The following SLC41A2 variants were observed in gnomAD, a reference collection of about 807,000 sequenced individuals.
SLC41A2 encodes the protein SLC41A1-like 1.
SLC41A2 carries 32 observed loss-of-function variants against 58.3 expected under a neutral mutation model. The ratio of observed to expected loss-of-function variants is 0.55; its 90% CI spans 0.41 to 0.74. The LOEUF is 0.74. SLC41A2 is among the 30% of genes least tolerant of loss of function. SLC41A2 has a pLI of 0.00. For synonymous variants in SLC41A2, 190 were observed against 235.0 expected, an observed-to-expected ratio of 0.81 and a Z score of 1.75; for missense variants, 514 against 680.6, an observed-to-expected ratio of 0.76 and a Z score of 2.72.
At chr12:104,846,025 G>A in intron 8 of SLC41A2, 51 bp from the exon 9 acceptor site, 2 of 1,573,734 alleles carry the variant, frequency 1.3e-6, no homozygotes, top group Non-Finnish European at 8.7e-7. Context: ...TAAACAATTT[G>A]CATAAATTCA....
intron 9 of SLC41A2, among the ~76,000 whole-genome samples, chr12:104,845,572 TA>T (rs1412037008): frequency 2.0e-5 from 3 of 152,122 alleles, no homozygotes; most frequent in Non-Finnish European, 4.4e-5. Flanking sequence ...ACCTGGCAAT[TA>T]TTTTTTTTGT....
chr12:104,951,587 G>GC (rs1018591341), intron 1 of SLC41A2: 1 of 152,056 alleles, frequency 6.6e-6, no homozygotes, highest in Non-Finnish European at 1.5e-5. Flanking sequence ...TTAATTCTGT[G>GC]AAGTCATAAT....
At chr12:104,847,386 G>C (rs1381794521) in intron 8 of SLC41A2, among the ~76,000 whole-genome samples, 2 of 151,796 alleles carry the variant, frequency 1.3e-5, no homozygotes, top group African/African-American at 4.8e-5. Flanking sequence ...GGTGGATCAC[G>C]AGGTTAGGAA....
chr12:104,862,288 T>C (rs955039917), intron 7 of SLC41A2, among the ~76,000 whole-genome samples: 1 of 152,208 alleles, frequency 6.6e-6, no homozygotes, highest in Non-Finnish European at 1.5e-5. Flanking sequence ...TATGCCTTAA[T>C]AGGCCTAAAC....
chr12:104,844,610 A>T lies in SLC41A2; in HGVS notation c.1398T>A (p.Asn466Lys). The change falls in exon 10 of 11, where the codon AAT (asparagine) becomes AAA (lysine). Residue 466 changes from asparagine (N) to lysine (K), a missense_variant. Physicochemically the swap from Asn to Lys is moderately conservative, Grantham distance 94. Coordinates refer to ENST00000258538, the MANE Select transcript of SLC41A2 (RefSeq NM_001352171.3). ...FRTFFGPGVN[N>K]KSAQVLLLLV... ...AAAGCAGTAGAACTTGAGCAGACTT[A>T]TTATTTACTCCTGTAATATAAAATG... 1 of 1,524,880 alleles carries T rather than the reference A, an allele frequency of 6.6e-7. No homozygotes were observed. Among genetic ancestry groups the T allele is most frequent in the Non-Finnish European group, 8.8e-7 (1 of 1,137,042 alleles). 94.5% of individuals were successfully genotyped at this position (1,524,880 alleles called of 1,614,324 possible).
chr12:104,835,300 T>C (rs2042171128), intron 10 of SLC41A2, among the ~76,000 whole-genome samples: 1 of 152,004 alleles, frequency 6.6e-6, no homozygotes, highest in Admixed American at 6.5e-5. Context: ...ATCTCTCAAG[T>C]TTGTTGGGAG....
At chr12:104,943,578 T>C (rs757100839) in intron 1 of SLC41A2, among the ~76,000 whole-genome samples, 4 of 152,184 alleles carry the variant, frequency 2.6e-5, no homozygotes, top group Admixed American at 2.6e-4. Flanking sequence ...TACTCCGATG[T>C]TAATGACATC....
chr12:104,938,879 C>A (rs77982505), intron 1 of SLC41A2, among the ~76,000 whole-genome samples: 4,695 of 152,290 alleles, frequency 0.031, 80 homozygotes, highest in Non-Finnish European at 0.048. Context: ...TTAAAGATTG[C>A]AGTCTATGGA....
intron 10 of SLC41A2, among the ~76,000 whole-genome samples, chr12:104,810,115 A>G (rs904221533): frequency 6.6e-6 from 1 of 152,152 alleles, no homozygotes; most frequent in Non-Finnish European, 1.5e-5. Context: ...TTATCATGTC[A>G]GCAGACGCTA....
At chr12:104,943,792 C>T (rs895761341) in intron 1 of SLC41A2, among the ~76,000 whole-genome samples, 2 of 152,176 alleles carry the variant, frequency 1.3e-5, no homozygotes, top group African/African-American at 2.4e-5. Flanking sequence ...TGACCGCATC[C>T]ACCTTTAAAC....
chr12:104,921,788 T>C (rs562535901), intron 2 of SLC41A2, among the ~76,000 whole-genome samples: 1 of 151,966 alleles, frequency 6.6e-6, no homozygotes, highest in African/African-American at 2.4e-5. Flanking sequence ...CACAAATCTA[T>C]CAAAAACAAT....
chr12:104,890,267 T>C (rs1239929090), intron 4 of SLC41A2, among the ~76,000 whole-genome samples: 4 of 152,158 alleles, frequency 2.6e-5, no homozygotes, highest in Admixed American at 6.5e-5. Context: ...AGCCCCATGA[T>C]CTTGTATTAA....
At chr12:104,910,214 A>G (rs1178617546) in intron 2 of SLC41A2, among the ~76,000 whole-genome samples, 1 of 152,214 alleles carries the variant, frequency 6.6e-6, no homozygotes, top group Non-Finnish European at 1.5e-5. Flanking sequence ...ATAAAGACTC[A>G]GAGAGATTAA....
chr12:104,942,187 A>G (rs532045800), intron 1 of SLC41A2, among the ~76,000 whole-genome samples: 10 of 152,240 alleles, frequency 6.6e-5, no homozygotes, highest in African/African-American at 2.2e-4. Context: ...CTCTCTTACA[A>G]TTGACATGTG....
chr12:104,876,770 G>A (rs7295456), intron 6 of SLC41A2, among the ~76,000 whole-genome samples: 14 of 152,204 alleles, frequency 9.2e-5, no homozygotes, highest in Admixed American at 1.3e-4. Context: ...TGGATGGAAT[G>A]TTTTGTACAT....
chr12:104,937,329 A>AACTCCATTC (rs1403851769), intron 1 of SLC41A2, among the ~76,000 whole-genome samples: 1 of 152,176 alleles, frequency 6.6e-6, no homozygotes, highest in Non-Finnish European at 1.5e-5. Flanking sequence ...ATTCATGGTA[A>AACTCCATTC]ATGCCCTATA....
intron 2 of SLC41A2, among the ~76,000 whole-genome samples, chr12:104,913,667 G>T (rs78399791): frequency 0.038 from 5,782 of 152,134 alleles, 152 homozygotes; most frequent in East Asian, 0.1. Flanking sequence ...TCTGTTTCTG[G>T]CTTCTGGCTA....
At position 104,901,403 on chromosome 12, in the gene SLC41A2, A is replaced by C. The variant is rs184813266; in HGVS notation, c.664-6058T>G. Among the ~76,000 whole-genome samples the C allele has an allele frequency of 9.9e-5, 15 of 152,152 alleles. No individual in the cohort carries two copies. The East Asian group carries it at 2.3e-3, about 23-fold the overall frequency. On this transcript the variant is annotated intron_variant, in intron 3 of 10. Coordinates refer to ENST00000258538, the MANE Select transcript of SLC41A2 (RefSeq NM_001352171.3). ...TAATTTCATATATACTATTGAAAAGATTAAAATCCAGGAAAAAAATTATTC... is the reference window on the plus strand; with the variant it reads ...TAATTTCATATATACTATTGAAAAGCTTAAAATCCAGGAAAAAAATTATTC...
At chr12:104,942,494 A>T (rs112833646) in intron 1 of SLC41A2, among the ~76,000 whole-genome samples, 1 of 145,980 alleles carries the variant, frequency 6.9e-6, no homozygotes, top group Non-Finnish European at 1.5e-5. Flanking sequence ...AAAAAAAACC[A>T]TGTTAAATTC....
Sources: gnomAD v4.1 joint callset for allele counts (sites outside exome capture counted in the v4.1 genomes callset) on GRCh38, gnomAD v4.1.1 for gene constraint, MANE v1.5 for transcripts, NCBI Gene and HGNC (gene_info 2026-07-23, HGNC 2026-07-21) for gene names.